The following TMEFF2 variants were observed in gnomAD, a reference collection of about 807,000 sequenced individuals.
The protein encoded by TMEFF2 is transmembrane protein with EGF like and two follistatin like domains 2, also known as tomoregulin-2.
Under a neutral mutation model 53.8 loss-of-function variants are expected in TMEFF2, and 28 were observed. The ratio of observed to expected loss-of-function variants is 0.52; its 90% confidence interval spans 0.39 to 0.71. The LOEUF (loss-of-function observed/expected upper bound fraction) is 0.71, where lower values mean the gene tolerates loss of function less well. Among genes scored for constraint, TMEFF2 ranks in the 30% least tolerant of loss-of-function variants. The pLI is 0.00. For missense variants in TMEFF2, 353 were observed against 455.2 expected, an observed-to-expected ratio of 0.78 and a Z score of 2.04; for synonymous variants, 162 against 166.3, an observed-to-expected ratio of 0.97 and a Z score of 0.20.
intron 5 of TMEFF2, among the ~76,000 whole-genome samples, chr2:192,039,883 C>A (rs1223268267): frequency 6.6e-6 from 1 of 152,026 alleles, no homozygotes; most frequent in African/African-American, 2.4e-5. Flanking sequence ...ATACAGTGGC[C>A]ATGTATTCCT....
chr2:191,962,545 A>G (rs1692303649), intron 7 of TMEFF2, among the ~76,000 whole-genome samples: 1 of 152,234 alleles, frequency 6.6e-6, no homozygotes, highest in Non-Finnish European at 1.5e-5. Context: ...ATGCAACAAT[A>G]GTGGATGATT....
At chr2:191,959,051 T>C (rs892366858) in intron 7 of TMEFF2, among the ~76,000 whole-genome samples, 12 of 152,180 alleles carry the variant, frequency 7.9e-5, no homozygotes, top group Non-Finnish European at 1.3e-4. Context: ...TTATGTATAG[T>C]AGGTATTAAG....
At chr2:191,952,356 C>T (rs1199165554) in intron 9 of TMEFF2, among the ~76,000 whole-genome samples, 1 of 151,950 alleles carries the variant, frequency 6.6e-6, no homozygotes. Context: ...TGTCAGTAGT[C>T]GAAGTAGCAA....
Position 191,957,974 on chromosome 2 carries a change from G to T in TMEFF2, c.746-1596C>A, listed in dbSNP as rs114886621. Among the ~76,000 whole-genome samples the T allele has an allele frequency of 6.9e-3, 1,050 of 152,266 alleles. 16 individuals carry two copies. The highest frequency in any genetic ancestry group is 0.024 in the African/African-American group (988 of 41,548). On this transcript the variant is annotated intron_variant, in intron 7 of 9. Coordinates refer to ENST00000272771, the MANE Select transcript of TMEFF2 (RefSeq NM_016192.4). ...CTTTGAAGTTACTTTGGAATTTTGTGGTATAATGTTTTTGGTAGCAAGTGC... is the reference window on the plus strand; with the variant it reads ...CTTTGAAGTTACTTTGGAATTTTGTTGTATAATGTTTTTGGTAGCAAGTGC...
Position 192,194,581 on chromosome 2 carries a change from G to C in TMEFF2, c.-57C>G, listed in dbSNP as rs897810071. 5.1e-6 allele frequency: 8 copies of C among 1,579,298 alleles called. No individual in the cohort carries two copies. In the East Asian group the frequency reaches 1.4e-4, roughly 27 times the overall value. Reference sequence around the variant, plus strand: ...GGCTTCCGAGGAACACAGGATCGCGGGGGCCGGGCAGCGGGCTACTGAGCA... The same window carrying C: ...GGCTTCCGAGGAACACAGGATCGCGCGGGCCGGGCAGCGGGCTACTGAGCA... On this transcript the variant is annotated 5_prime_UTR_variant, in exon 1 of 10. Transcript: ENST00000272771. This position sits in a 1 kb window ranked among gnomAD's most constrained non-coding sequence, Gnocchi z 4.2.
At chr2:192,060,623 A>G (rs1018508589) in intron 4 of TMEFF2, among the ~76,000 whole-genome samples, 1 of 152,156 alleles carries the variant, frequency 6.6e-6, no homozygotes, top group African/African-American at 2.4e-5. Context: ...ACAGTCACAA[A>G]AGCTTGAAAA....
chr2:192,155,248 TTA>T (rs1690480843), intron 4 of TMEFF2, among the ~76,000 whole-genome samples: 1 of 151,916 alleles, frequency 6.6e-6, no homozygotes, highest in South Asian at 2.1e-4. Context: ...GAGAAATAAT[TTA>T]GTTTTGGGAG....
chr2:192,033,743 G>A (rs535766988), intron 5 of TMEFF2, among the ~76,000 whole-genome samples: 4 of 152,116 alleles, frequency 2.6e-5, no homozygotes, highest in African/African-American at 9.6e-5. Context: ...GATATAGTGT[G>A]ATTATCCCAC....
At chr2:191,979,595 A>G (rs1685807699) in intron 7 of TMEFF2, among the ~76,000 whole-genome samples, 1 of 152,194 alleles carries the variant, frequency 6.6e-6, no homozygotes. Context: ...ATGTAGATGT[A>G]GCTATATGAC....
chr2:192,032,903 T>TC (rs1687178421), intron 5 of TMEFF2, among the ~76,000 whole-genome samples: 1 of 152,228 alleles, frequency 6.6e-6, no homozygotes. Context: ...GTTGTTTTTT[T>TC]CTCTAACAAC....
intron 5 of TMEFF2, among the ~76,000 whole-genome samples, chr2:192,031,109 A>T (rs1687123022): frequency 6.6e-6 from 1 of 152,210 alleles, no homozygotes; most frequent in Admixed American, 6.5e-5. Context: ...GCCTTAGGAA[A>T]GCCTTCCTTG....
At chr2:191,999,855 C>T (rs566720447) in intron 5 of TMEFF2, among the ~76,000 whole-genome samples, 4 of 152,072 alleles carry the variant, frequency 2.6e-5, no homozygotes, top group Admixed American at 6.6e-5. Flanking sequence ...TATAAAATTT[C>T]AGGGTTGTCT....
chr2:192,163,821 G>A (rs191080102), intron 4 of TMEFF2, among the ~76,000 whole-genome samples: 10 of 152,268 alleles, frequency 6.6e-5, no homozygotes, highest in African/African-American at 1.9e-4. Flanking sequence ...GCTAAATGAC[G>A]TGATGGGGTT....
At chr2:192,121,815 G>A (rs920357367) in intron 4 of TMEFF2, among the ~76,000 whole-genome samples, 4 of 152,160 alleles carry the variant, frequency 2.6e-5, no homozygotes, top group African/African-American at 9.7e-5. Flanking sequence ...TAAACTGCCT[G>A]TAGGAAACAA....
rs1171229975 is a variant in TMEFF2 at position 192,194,131 on chromosome 2, T to C, written c.172+222A>G. ...CAATGTAAGCGCAAGCATGCAAAGGTTTCCTGCTACACCTGCACTTTCTGC... is the reference window on the plus strand; with the variant it reads ...CAATGTAAGCGCAAGCATGCAAAGGCTTCCTGCTACACCTGCACTTTCTGC... On this transcript the variant is annotated intron_variant, in intron 1 of 9. Coordinates refer to ENST00000272771, the MANE Select transcript of TMEFF2 (RefSeq NM_016192.4). The surrounding 1 kb of genome is among the most constrained non-coding windows in gnomAD (Gnocchi z 4.2). Among the ~76,000 whole-genome samples, 1 of 152,052 alleles carries C rather than the reference T, an allele frequency of 6.6e-6. No homozygotes were observed. Among genetic ancestry groups the C allele is most frequent in the African/African-American group, 2.4e-5 (1 of 41,400 alleles).
intron 5 of TMEFF2, among the ~76,000 whole-genome samples, chr2:192,008,474 A>G (rs1279885891): frequency 6.6e-6 from 1 of 152,198 alleles, no homozygotes; most frequent in African/African-American, 2.4e-5. Flanking sequence ...ACGTTTTTAA[A>G]AGTATCTTGA....
At chr2:192,005,274 AT>A (rs2105843336) in intron 5 of TMEFF2, among the ~76,000 whole-genome samples, 1 of 152,270 alleles carries the variant, frequency 6.6e-6, no homozygotes, top group East Asian at 1.9e-4. Context: ...TCTCATCAAT[AT>A]TTTCGGGGGG....
chr2:192,030,303 G>A (rs1687096555), intron 5 of TMEFF2: 1 of 152,156 alleles, frequency 6.6e-6, no homozygotes, highest in African/African-American at 2.4e-5. Context: ...ATGTTGATTG[G>A]TGTTCCCTTT....
At chr2:192,193,766 A>AGAGG (rs1691527072) in intron 1 of TMEFF2, among the ~76,000 whole-genome samples, 1 of 26,330 alleles carries the variant, frequency 3.8e-5, no homozygotes, top group East Asian at 1.6e-3. Flanking sequence ...ATAGATAGAG[A>AGAGG]GAGAGAGAGA....
Sources: gnomAD v4.1 joint callset for allele counts (sites outside exome capture counted in the v4.1 genomes callset) on GRCh38, gnomAD v4.1.1 for gene constraint, Gnocchi (gnomAD v3.1) non-coding constraint, MANE v1.5 for transcripts, NCBI Gene and HGNC (gene_info 2026-07-23, HGNC 2026-07-21) for gene names.